FCHSD2: variants seen among roughly 807,000 people sequenced by gnomAD.
The protein encoded by FCHSD2 is F-BAR and double SH3 domains protein 2.
A neutral mutation model predicts 108.1 loss-of-function variants in FCHSD2; 38 were observed. The observed-to-expected ratio is 0.35, with a 90% confidence interval of 0.27 to 0.46. The LOEUF (loss-of-function observed/expected upper bound fraction) is 0.46. FCHSD2 is among the 20% of genes least tolerant of loss of function. The probability of loss-of-function intolerance (pLI) is 1.00; values close to 1 mark genes in which losing one functional copy is unlikely to be tolerated. For missense variants in FCHSD2, 751 were observed against 897.8 expected, an observed-to-expected ratio of 0.84 and a Z score of 2.09; for synonymous variants, 279 against 314.7, an observed-to-expected ratio of 0.89 and a Z score of 1.20.
intron 4 of FCHSD2, among the ~76,000 whole-genome samples, chr11:73,008,712 T>C (rs1168257864): frequency 1.3e-5 from 2 of 152,176 alleles, no homozygotes; most frequent in Non-Finnish European, 2.9e-5. Flanking sequence ...TAGAAGATTT[T>C]CAAGCAGGGG....
At chr11:73,013,163 T>C (rs766809196) in intron 4 of FCHSD2, among the ~76,000 whole-genome samples, 1 of 152,210 alleles carries the variant, frequency 6.6e-6, no homozygotes, top group Non-Finnish European at 1.5e-5. Context: ...CTACCTATGA[T>C]GTATCCTTAA....
In FCHSD2 at chr11:72,837,240, C is replaced by T. The variant is rs1167261435; in HGVS notation, c.*1551G>A. The T allele has an allele frequency of 6.6e-6, 1 of 151,844 alleles. No homozygotes were observed. The highest frequency in any genetic ancestry group is 2.1e-4 in the South Asian group (1 of 4,814). 9.4% of individuals were successfully genotyped at this position (151,844 alleles called of 1,614,324 possible). On this transcript the variant is annotated 3_prime_UTR_variant, in exon 20 of 20. Transcript: ENST00000409418. The stretch of plus-strand genomic sequence containing the variant: ...GGTTAAGAAGTGTAAAAAACAACAA[C>T]GAAAAAAAACCCCAAATCATGGAGA...
intron 3 of FCHSD2, among the ~76,000 whole-genome samples, chr11:73,068,236 A>G (rs927328700): frequency 2.0e-5 from 3 of 151,774 alleles, no homozygotes; most frequent in Admixed American, 2.0e-4. Context: ...CTTTAAAAAT[A>G]TGCCATTATG....
intron 8 of FCHSD2, among the ~76,000 whole-genome samples, chr11:72,955,807 C>T (rs1322138073): frequency 2.0e-5 from 3 of 151,998 alleles, no homozygotes; most frequent in Non-Finnish European, 4.4e-5. Flanking sequence ...TCTACAAGGG[C>T]TTTAGGAGCT....
Position 72,902,567 on chromosome 11 carries a change from C to G in FCHSD2, c.900G>C (p.Gln300His), listed in dbSNP as rs139052840. 37 of 1,586,620 alleles carry G rather than the reference C, an allele frequency of 2.3e-5. No homozygotes were observed. Among genetic ancestry groups the G allele is most frequent in the South Asian group, 1.0e-4 (9 of 86,648 alleles). Residue 300 changes from glutamine to histidine, a missense_variant, in exon 10 of 20, where the codon CAG becomes CAC. Gln to His is a conservative substitution (Grantham distance 24). Transcript: ENST00000409418. ...CAGTATCACTGTCACAAGGCTGGAA[C>G]TGGAAGGGCTGGGGTTTGTGAAATA... ...NAVFHKPQPFQFQPCDSDTSR... is the reference protein window; with the variant it reads ...NAVFHKPQPFHFQPCDSDTSR...
chr11:72,964,438 G>A (rs771249630), intron 8 of FCHSD2, among the ~76,000 whole-genome samples: 1 of 152,128 alleles, frequency 6.6e-6, no homozygotes, highest in Non-Finnish European at 1.5e-5. Flanking sequence ...CCTGAGATGG[G>A]GTTGGTTATT....
In FCHSD2 at chr11:72,849,056, A is replaced by G. The variant is rs185115877; in HGVS notation, c.1443+699T>C. On this transcript the variant is annotated intron_variant, in intron 14 of 19. Transcript: ENST00000409418. ...GATATTGAGGTTACCAAACACTGCC[A>G]CCTTTTGGCTACACAGGGATGTGGC... is the stretch of plus-strand genomic sequence containing the variant. 3.1e-4 allele frequency among the ~76,000 whole-genome samples: 47 copies of G among 152,282 alleles called. 1 individual carries two copies. In the South Asian group the frequency reaches 6.6e-3, roughly 21 times the overall value.
At chr11:72,906,275 TG>T (rs1317284916) in intron 9 of FCHSD2, among the ~76,000 whole-genome samples, 1 of 152,216 alleles carries the variant, frequency 6.6e-6, no homozygotes, top group Non-Finnish European at 1.5e-5. Flanking sequence ...TTGATGGCGT[TG>T]TTTTTTTCTT....
intron 8 of FCHSD2, among the ~76,000 whole-genome samples, chr11:72,972,209 A>G (rs1413934087): frequency 1.3e-5 from 2 of 152,174 alleles, no homozygotes; most frequent in African/African-American, 4.8e-5. Context: ...AAACTCTGAA[A>G]TGAGAATATT....
chr11:72,959,930 C>T (rs1473829663), intron 8 of FCHSD2, among the ~76,000 whole-genome samples: 1 of 151,524 alleles, frequency 6.6e-6, no homozygotes, highest in African/African-American at 2.4e-5. Context: ...GCACTGACCT[C>T]AGTCTAACTT....
At chr11:73,113,796 TA>T (rs1241134449) in intron 2 of FCHSD2, among the ~76,000 whole-genome samples, 1 of 152,166 alleles carries the variant, frequency 6.6e-6, no homozygotes, top group Non-Finnish European at 1.5e-5. Flanking sequence ...ACATCTGCAT[TA>T]GGGGGCACCC....
chr11:72,873,283 C>A (rs910345021), intron 12 of FCHSD2, among the ~76,000 whole-genome samples: 1 of 151,180 alleles, frequency 6.6e-6, no homozygotes, highest in Non-Finnish European at 1.5e-5. Flanking sequence ...GAACCGAGAT[C>A]GCGCCACTGC....
chr11:72,849,295 GAC>G (rs1861225222), intron 14 of FCHSD2, among the ~76,000 whole-genome samples: 1 of 152,222 alleles, frequency 6.6e-6, no homozygotes, highest in African/African-American at 2.4e-5. Flanking sequence ...CGGGGCTGAA[GAC>G]ACACAGACAA....
At chr11:73,090,105 A>G (rs999795917) in intron 2 of FCHSD2, among the ~76,000 whole-genome samples, 1 of 152,120 alleles carries the variant, frequency 6.6e-6, no homozygotes, top group Non-Finnish European at 1.5e-5. Context: ...TTGTGTTGGG[A>G]TAACTTGATA....
chr11:73,087,593 T>G (rs1859851489), intron 2 of FCHSD2, among the ~76,000 whole-genome samples: 1 of 151,496 alleles, frequency 6.6e-6, no homozygotes, highest in Admixed American at 6.6e-5. Context: ...TAGTCCCAGC[T>G]ACTCGGAAGG....
chr11:73,114,069 G>A (rs1860553585), intron 2 of FCHSD2, among the ~76,000 whole-genome samples: 1 of 152,032 alleles, frequency 6.6e-6, no homozygotes, highest in South Asian at 2.1e-4. Context: ...CCAGTAGCCA[G>A]GTACTGGAGT....
At chr11:72,865,884 C>T (rs1355295393) in intron 13 of FCHSD2, among the ~76,000 whole-genome samples, 2 of 152,124 alleles carry the variant, frequency 1.3e-5, no homozygotes, top group Non-Finnish European at 2.9e-5. Context: ...TCATACACTG[C>T]CATGTATCAT....
intron 1 of FCHSD2, among the ~76,000 whole-genome samples, chr11:73,141,041 C>T (rs1437451255): frequency 6.6e-6 from 1 of 152,218 alleles, no homozygotes; most frequent in Non-Finnish European, 1.5e-5. Context: ...CGGCCTCATC[C>T]ACCCAGTGCC....
chr11:72,941,677 T>C (rs943981851), intron 8 of FCHSD2, among the ~76,000 whole-genome samples: 1 of 152,158 alleles, frequency 6.6e-6, no homozygotes, highest in African/African-American at 2.4e-5. Flanking sequence ...ATATGTACGT[T>C]TGTTTAAATA....
Sources: allele counts gnomAD v4.1 joint callset (sites outside exome capture counted in the v4.1 genomes callset), GRCh38; gene constraint gnomAD v4.1.1; transcripts MANE v1.5; gene names NCBI Gene and HGNC (gene_info 2026-07-23, HGNC 2026-07-21).